The following CYP2C18 variants were observed in gnomAD, a reference collection of about 807,000 sequenced individuals.
CYP2C18 encodes cytochrome P450 2C18.
Under a neutral mutation model 41.3 loss-of-function variants are expected in CYP2C18, and 38 were observed. The ratio of observed to expected loss-of-function variants is 0.92; its 90% CI spans 0.71 to 1.21. The LOEUF (loss-of-function observed/expected upper bound fraction) is 1.21, where lower values mean the gene tolerates loss of function less well. Ranked by LOEUF, CYP2C18 falls within the 50% of genes most tolerant of loss-of-function variation. The probability of loss-of-function intolerance (pLI) is 0.00; values close to 1 mark genes in which losing one functional copy is unlikely to be tolerated. For missense variants in CYP2C18, 635 were observed against 591.4 expected, an observed-to-expected ratio of 1.07 and a Z score of -0.77; for synonymous variants, 236 against 210.0, an observed-to-expected ratio of 1.12 and a Z score of -1.07.
chr10:94,687,679 A>C, intron 1 of CYP2C18, 91 bp from the exon 2 acceptor site: 2 of 1,081,858 alleles, frequency 1.8e-6, no homozygotes, highest in East Asian at 4.8e-5. Flanking sequence ...TCATAACAAC[A>C]TTATGATGAT....
At chr10:94,685,351 T>C (rs1846867743) in intron 1 of CYP2C18, among the ~76,000 whole-genome samples, 1 of 152,144 alleles carries the variant, frequency 6.6e-6, no homozygotes, top group African/African-American at 2.4e-5. Flanking sequence ...TCGTTTTAAA[T>C]AGAATTATTT....
intron 5 of CYP2C18, among the ~76,000 whole-genome samples, chr10:94,709,039 C>CCATGGAAGTTTGTGTATAGAAATGG (rs1589799922): frequency 6.6e-6 from 1 of 152,036 alleles, no homozygotes; most frequent in East Asian, 1.9e-4. Context: ...CATTTGTGTA[C>CCATGGAAGTTTGTGTATAGAAATGG]AAGTTTTTGT....
At chr10:94,686,467 A>T (rs1338953117) in intron 1 of CYP2C18, among the ~76,000 whole-genome samples, 1 of 152,176 alleles carries the variant, frequency 6.6e-6, no homozygotes, top group Non-Finnish European at 1.5e-5. Context: ...AGAAATGGTC[A>T]GAGGGGGCAT....
chr10:94,710,388 A>G (rs1008761502), intron 5 of CYP2C18, among the ~76,000 whole-genome samples: 1 of 152,210 alleles, frequency 6.6e-6, no homozygotes, highest in Admixed American at 6.5e-5. Flanking sequence ...CATGAATTTT[A>G]TGGTAATCTT....
intron 5 of CYP2C18, 77 bp from the exon 6 acceptor site, chr10:94,720,319 C>T (rs1377045710): frequency 6.9e-6 from 9 of 1,302,130 alleles, no homozygotes; most frequent in Non-Finnish European, 9.5e-6. Flanking sequence ...TTAGAACAAC[C>T]TGATATATTT....
chr10:94,720,153 G>A (rs1199347053), intron 5 of CYP2C18, among the ~76,000 whole-genome samples: 5 of 152,086 alleles, frequency 3.3e-5, no homozygotes, highest in African/African-American at 1.2e-4. Flanking sequence ...ATGTTTCATG[G>A]CCAACACAGC....
chr10:94,719,732 G>A (rs530247425), intron 5 of CYP2C18, among the ~76,000 whole-genome samples: 8 of 151,894 alleles, frequency 5.3e-5, no homozygotes, highest in South Asian at 4.2e-4. Flanking sequence ...ATGCCATCAC[G>A]CCCGGCTAAT....
At chr10:94,723,639 T>C (rs1847684143) in intron 6 of CYP2C18, among the ~76,000 whole-genome samples, 1 of 152,098 alleles carries the variant, frequency 6.6e-6, no homozygotes, top group African/African-American at 2.4e-5. Context: ...GTGATATAAA[T>C]ACATTGGGGA....
chr10:94,733,508 A>G (rs994096494), intron 8 of CYP2C18, 70 bp downstream of exon 8: 20 of 1,592,592 alleles, frequency 1.3e-5, no homozygotes, highest in African/African-American at 9.4e-5. Context: ...TGACTCTTAC[A>G]TGATGCCACC....
chr10:94,728,006 C>T lies in CYP2C18; in HGVS notation c.1149+3473C>T, dbSNP rs140996050. ...AATATTATCTAATATCTTATAACTACATTTTCCCAGTTATACTAAAATATC... is the reference window on the plus strand; with the variant it reads ...AATATTATCTAATATCTTATAACTATATTTTCCCAGTTATACTAAAATATC... On this transcript the variant is annotated intron_variant, in intron 7 of 8. Coordinates refer to ENST00000285979, the MANE Select transcript of CYP2C18 (RefSeq NM_000772.3). Among the ~76,000 whole-genome samples the T allele has an allele frequency of 3.8e-3, 576 of 152,254 alleles. 3 individuals are homozygous for T. The highest frequency in any genetic ancestry group is 0.013 in the African/African-American group (523 of 41,548).
chr10:94,719,316 G>A (rs1363239188), intron 5 of CYP2C18, among the ~76,000 whole-genome samples: 2 of 152,094 alleles, frequency 1.3e-5, no homozygotes, highest in Admixed American at 1.3e-4. Flanking sequence ...ATGTTGGGCA[G>A]TGCAGAACTA....
chr10:94,733,219 T>A (rs1047839529), intron 7 of CYP2C18, 78 bp from the exon 8 acceptor site: 16 of 1,356,988 alleles, frequency 1.2e-5, no homozygotes, highest in Non-Finnish European at 1.5e-5. Context: ...TAAAAGAGAT[T>A]GGACTAGGTG....
intron 4 of CYP2C18, among the ~76,000 whole-genome samples, chr10:94,699,064 G>C (rs1479112601): frequency 6.6e-6 from 1 of 152,148 alleles, no homozygotes; most frequent in Admixed American, 6.5e-5. Flanking sequence ...GGAGGAGCTG[G>C]TACCATTCCT....
rs1351073587 is a variant in CYP2C18, at chr10:94,735,711, C to T, written c.*267C>T. ...TAATACCTATCTACTGCTGAGTTGT[C>T]AGTATGTTATCACTAGAAAACAAAG... On this transcript the variant is annotated 3_prime_UTR_variant, in exon 9 of 9. Coordinates refer to ENST00000285979, the MANE Select transcript of CYP2C18 (RefSeq NM_000772.3). 4 of 434,952 alleles carry T rather than the reference C, an allele frequency of 9.2e-6. No individual in the cohort carries two copies. The highest frequency in any genetic ancestry group is 1.6e-5 in the Non-Finnish European group (4 of 242,900). 26.9% of individuals were successfully genotyped at this position (434,952 alleles called of 1,614,324 possible). A position where few individuals can be genotyped will look rare whatever the true frequency, so the allele number is the denominator to read the frequency against.
chr10:94,717,546 T>G (rs992100686), intron 5 of CYP2C18, among the ~76,000 whole-genome samples: 5 of 152,030 alleles, frequency 3.3e-5, no homozygotes, highest in African/African-American at 1.2e-4. Flanking sequence ...CAGATCAATG[T>G]CCTGTAGTTT....
Position 94,723,530 on chromosome 10 carries a change from A to G in CYP2C18, c.962-816A>G, listed in dbSNP as rs577976087. Among the ~76,000 whole-genome samples the G allele has an allele frequency of 2.0e-5, 3 of 152,312 alleles. No homozygotes were observed. The East Asian group carries it at 5.8e-4, about 29-fold the overall frequency. On this transcript the variant is annotated intron_variant, in intron 6 of 8. Coordinates refer to ENST00000285979, the MANE Select transcript of CYP2C18 (RefSeq NM_000772.3). ...GAATTGAAATGGACACACAAGTCCA[A>G]GAATATACAAAAAAGAGACATAATT...
chr10:94,698,730 C>G (rs770453474), intron 4 of CYP2C18, among the ~76,000 whole-genome samples: 1 of 151,906 alleles, frequency 6.6e-6, no homozygotes, highest in Non-Finnish European at 1.5e-5. Context: ...TGATAGACCA[C>G]TAGCAAGACT....
intron 4 of CYP2C18, among the ~76,000 whole-genome samples, chr10:94,700,827 C>T (rs1847225624): frequency 6.6e-6 from 1 of 152,312 alleles, no homozygotes; most frequent in East Asian, 1.9e-4. Context: ...ACAGACACTT[C>T]TCAAAAGAAG....
intron 7 of CYP2C18, among the ~76,000 whole-genome samples, chr10:94,732,886 C>A (rs1443242453): frequency 6.6e-6 from 1 of 151,934 alleles, no homozygotes; most frequent in African/African-American, 2.4e-5. Flanking sequence ...TATTTGTACC[C>A]TAAACCTCAG....
Sources: gnomAD v4.1 joint callset for allele counts (sites outside exome capture counted in the v4.1 genomes callset) on GRCh38, gnomAD v4.1.1 for gene constraint, MANE v1.5 for transcripts, NCBI Gene and HGNC (gene_info 2026-07-23, HGNC 2026-07-21) for gene names.